Variants in ANKRD11 observed in about 807,000 individuals in gnomAD.
ANKRD11 encodes the protein ankyrin repeat domain-containing protein 11.
Under a neutral mutation model 195.7 loss-of-function variants are expected in ANKRD11, and 17 were observed. The observed-to-expected ratio is 0.09, with a 90% confidence interval of 0.06 to 0.13. The LOEUF (loss-of-function observed/expected upper bound fraction) is 0.13. Among genes scored for constraint, ANKRD11 ranks in the 10% least tolerant of loss-of-function variants. The pLI is 1.00. For synonymous variants in ANKRD11, 1,953 were observed against 1,528.1 expected (o/e 1.28, Z -6.49); for missense variants, 3,735 against 3,566.1 (o/e 1.05, Z -1.21).
intron 1 of ANKRD11, among the ~76,000 whole-genome samples, chr16:89,435,723 G>A (rs1228694298): frequency 6.6e-6 from 1 of 151,170 alleles, no homozygotes; most frequent in Non-Finnish European, 1.5e-5. Flanking sequence ...GTTCTGTCCT[G>A]CTGGGAGTCC....
In ANKRD11 at chr16:89,282,451, T is replaced by G. The variant is rs781494404; in HGVS notation, c.4091A>C (p.Glu1364Ala). The G allele has an allele frequency of 6.2e-7, 1 of 1,614,156 alleles. No individual in the cohort carries two copies. ...CTCGGCCTTCTCTTTCTTGGCTCGC[T>G]CTCGGTCGTGGCTCTTCTTGGATGA... Reference protein sequence around the residue: ...SSSSKKSHDRERAKKEKAEKK... With the variant: ...SSSSKKSHDRARAKKEKAEKK... Residue 1364 changes from glutamate to alanine, a missense_variant, in exon 9 of 13, where the codon GAG becomes GCG. By Grantham distance (107) the Glu-to-Ala change is moderately radical. Transcript: ENST00000301030.
chr16:89,428,668 G>A (rs1235728813), intron 1 of ANKRD11, among the ~76,000 whole-genome samples: 4 of 151,956 alleles, frequency 2.6e-5, no homozygotes, highest in Non-Finnish European at 5.9e-5. Context: ...GGCCGAAGTG[G>A]ATGGATCACG....
intron 2 of ANKRD11, among the ~76,000 whole-genome samples, chr16:89,340,406 C>T (rs912312318): frequency 6.6e-6 from 1 of 152,238 alleles, no homozygotes; most frequent in East Asian, 1.9e-4. Flanking sequence ...CCCTGAGTAG[C>T]TGAGATTACA....
intron 7 of ANKRD11, 121 bp from the exon 8 acceptor site, chr16:89,286,307 G>A (rs1167896535): frequency 7.8e-6 from 11 of 1,403,088 alleles, no homozygotes; most frequent in South Asian, 2.3e-5. Context: ...AGCCCCTCAC[G>A]GTCTGAGGGT....
intron 12 of ANKRD11, among the ~76,000 whole-genome samples, 164 bp from the exon 13 acceptor site, chr16:89,268,827 C>T (rs532018283): frequency 6.6e-6 from 1 of 152,240 alleles, no homozygotes; most frequent in Non-Finnish European, 1.5e-5. Context: ...AGTTACTACA[C>T]GTGGCGGTAG....
intron 1 of ANKRD11, among the ~76,000 whole-genome samples, chr16:89,466,818 G>C (rs971185611): frequency 1.3e-5 from 2 of 152,186 alleles, no homozygotes; most frequent in African/African-American, 4.8e-5. Context: ...TGGGCGGCAG[G>C]GGCCCTCCCG....
At chr16:89,439,825 A>G (rs1274662461) in intron 1 of ANKRD11, among the ~76,000 whole-genome samples, 2 of 152,162 alleles carry the variant, frequency 1.3e-5, no homozygotes, top group African/African-American at 4.8e-5. Context: ...CCCAATGATC[A>G]CCAACAGAGC....
intron 9 of ANKRD11, among the ~76,000 whole-genome samples, chr16:89,276,370 C>T (rs1450900397): frequency 6.6e-6 from 1 of 152,210 alleles, no homozygotes; most frequent in Non-Finnish European, 1.5e-5. Context: ...GAGAAACAGC[C>T]TCACGCAGTC....
intron 2 of ANKRD11, among the ~76,000 whole-genome samples, chr16:89,362,953 T>C (rs2039794995): frequency 6.6e-6 from 1 of 151,900 alleles, no homozygotes; most frequent in African/African-American, 2.4e-5. Flanking sequence ...GACACAGCAG[T>C]TGGTATAAAA....
chr16:89,396,787 C>T (rs887270788), intron 2 of ANKRD11, among the ~76,000 whole-genome samples: 8 of 152,128 alleles, frequency 5.3e-5, no homozygotes, highest in African/African-American at 1.4e-4. Flanking sequence ...CCCAGGTTCA[C>T]GCCGTTCTCC....
intron 2 of ANKRD11, among the ~76,000 whole-genome samples, chr16:89,374,928 G>A (rs1415729921): frequency 1.3e-5 from 2 of 151,904 alleles, no homozygotes; most frequent in South Asian, 2.1e-4. Context: ...CAGGAATACC[G>A]AAAAAAGTCA....
chr16:89,407,985 G>T (rs747486), intron 2 of ANKRD11, among the ~76,000 whole-genome samples: 1 of 151,824 alleles, frequency 6.6e-6, no homozygotes, highest in African/African-American at 2.4e-5. Context: ...CATCTATAGC[G>T]AAGTGTGGAA....
chr16:89,462,638 G>A (rs74474871), intron 1 of ANKRD11, among the ~76,000 whole-genome samples: 5 of 150,796 alleles, frequency 3.3e-5, no homozygotes, highest in South Asian at 2.1e-4. Context: ...ACCTCTTCCC[G>A]GCCGCCATCA....
At chr16:89,441,098 T>G (rs551759918) in intron 1 of ANKRD11, among the ~76,000 whole-genome samples, 1 of 151,102 alleles carries the variant, frequency 6.6e-6, no homozygotes, top group Non-Finnish European at 1.5e-5. Context: ...TAGCCGGGCG[T>G]GGTGGTGGGC....
chr16:89,356,256 G>A lies in ANKRD11; in HGVS notation c.-59-39178C>T, dbSNP rs543616662. Among the ~76,000 whole-genome samples the A allele has an allele frequency of 6.6e-5, 10 of 151,698 alleles. No individual in the cohort carries two copies. In the East Asian group the frequency reaches 2.0e-3, roughly 30 times the overall value. On this transcript the variant is annotated intron_variant, in intron 2 of 12. Transcript: ENST00000301030. ...TTAAAAACTGATTACAGACTTTCAGGACGTCCAAAGGAGACATCTTTGTCA... is the reference window on the plus strand; with the variant it reads ...TTAAAAACTGATTACAGACTTTCAGAACGTCCAAAGGAGACATCTTTGTCA...
chr16:89,372,018 C>G (rs1003330472), intron 2 of ANKRD11, among the ~76,000 whole-genome samples: 1 of 152,202 alleles, frequency 6.6e-6, no homozygotes, highest in Non-Finnish European at 1.5e-5. Flanking sequence ...GGGCCAAGAA[C>G]ATGGTGAAGC....
Position 89,282,825 on chromosome 16 carries a change from G to A in ANKRD11, c.3717C>T (p.Pro1239=), listed in dbSNP as rs770592482. ...CAGCGTGCTTCTTTTCAGCCTTCTCGGGGAGCTTCTGTTTATTTTTCTTAT... is the reference window on the plus strand; with the variant it reads ...CAGCGTGCTTCTTTTCAGCCTTCTCAGGGAGCTTCTGTTTATTTTTCTTAT... ...TQDKKNKQKL[P]EKAEKKHAAE... is the part of the protein sequence containing the mutation. The change falls in exon 9 of 13, where the codon CCC becomes CCT. Residue 1239 remains proline (P), a synonymous_variant. Coordinates refer to ENST00000301030, the MANE Select transcript of ANKRD11 (RefSeq NM_013275.6). 4.5e-5 allele frequency: 73 copies of A among 1,611,066 alleles called. No homozygotes were observed. In the Middle Eastern group the frequency reaches 1.8e-3, roughly 40 times the overall value.
intron 1 of ANKRD11, among the ~76,000 whole-genome samples, chr16:89,480,606 G>T (rs2057414038): frequency 6.6e-6 from 1 of 152,188 alleles, no homozygotes; most frequent in African/African-American, 2.4e-5. Context: ...GCCTAACCAT[G>T]TATTTGGGCA....
intron 1 of ANKRD11, among the ~76,000 whole-genome samples, chr16:89,431,960 A>G (rs1020792546): frequency 3.3e-5 from 5 of 152,120 alleles, no homozygotes; most frequent in Admixed American, 2.6e-4. Context: ...AAGCCCACTT[A>G]TAAATCCTGT....
Sources: allele counts gnomAD v4.1 joint callset (sites outside exome capture counted in the v4.1 genomes callset), GRCh38; gene constraint gnomAD v4.1.1; transcripts MANE v1.5; gene names NCBI Gene and HGNC (gene_info 2026-07-23, HGNC 2026-07-21).